The following SPRED2 variants were observed in gnomAD, a reference collection of about 807,000 sequenced individuals.
The protein encoded by SPRED2 is sprouty related EVH1 domain containing 2.
A neutral mutation model predicts 43.0 loss-of-function variants in SPRED2; 47 were observed. The observed-to-expected ratio is 1.09, with a 90% confidence interval of 0.87 to 1.40. The LOEUF is 1.40. SPRED2 is among the 40% of genes most tolerant of loss of function. The pLI, the probability that SPRED2 is intolerant of heterozygous loss-of-function variation, is 0.00. For synonymous variants in SPRED2, 225 were observed against 225.7 expected (o/e 1.00, Z 0.03); for missense variants, 561 against 586.4 (o/e 0.96, Z 0.45).
chr2:65,372,064 C>G (rs1245967754), intron 1 of SPRED2, among the ~76,000 whole-genome samples: 1 of 151,518 alleles, frequency 6.6e-6, no homozygotes, highest in African/African-American at 2.4e-5. Context: ...CAGAGCGAGA[C>G]TGTCTCAAAA....
intron 1 of SPRED2, among the ~76,000 whole-genome samples, chr2:65,374,981 T>A (rs1033089544): frequency 6.6e-6 from 1 of 152,166 alleles, no homozygotes; most frequent in South Asian, 2.1e-4. Flanking sequence ...GAAAAGAAGC[T>A]TGCTGTGTGT....
chr2:65,408,369 A>C (rs992842092), intron 1 of SPRED2, among the ~76,000 whole-genome samples: 1 of 152,204 alleles, frequency 6.6e-6, no homozygotes, highest in African/African-American at 2.4e-5. Context: ...TATAAGGTAG[A>C]GTCAGAATTC....
At chr2:65,401,927 G>GCGCGCGCACGCGCGCGCA (rs1553426565) in intron 1 of SPRED2, among the ~76,000 whole-genome samples, 8 of 29,992 alleles carry the variant, frequency 2.7e-4, no homozygotes, top group African/African-American at 1.1e-3. Flanking sequence ...CAGAATATTA[G>GCGCGCGCACGCGCGCGCA]CGCGCGCGCG....
chr2:65,360,839 T>TA (rs1336254191), intron 1 of SPRED2, among the ~76,000 whole-genome samples: 4 of 152,096 alleles, frequency 2.6e-5, no homozygotes, highest in Non-Finnish European at 5.9e-5. Context: ...TTTACCACAA[T>TA]AAAAAAAGAT....
intron 1 of SPRED2, among the ~76,000 whole-genome samples, chr2:65,369,403 C>A (rs1675067200): frequency 6.6e-6 from 1 of 152,134 alleles, no homozygotes; most frequent in Non-Finnish European, 1.5e-5. Context: ...CCACCCCCAA[C>A]CCCCACTACC....
chr2:65,414,339 C>T (rs943667626), intron 1 of SPRED2, among the ~76,000 whole-genome samples: 10 of 152,188 alleles, frequency 6.6e-5, no homozygotes, highest in Non-Finnish European at 1.2e-4. Context: ...ACATTATCAT[C>T]GCCTATCATC....
chr2:65,385,593 C>T (rs1052776014), intron 1 of SPRED2, among the ~76,000 whole-genome samples: 3 of 152,100 alleles, frequency 2.0e-5, no homozygotes, highest in Non-Finnish European at 4.4e-5. Context: ...TGGTCTGATA[C>T]AGCGGTGGGG....
intron 4 of SPRED2, among the ~76,000 whole-genome samples, chr2:65,317,131 T>C (rs1229386271): frequency 2.6e-5 from 4 of 152,162 alleles, no homozygotes; most frequent in Non-Finnish European, 4.4e-5. Context: ...AGGTAGGTTT[T>C]TCTTAAATGC....
intron 2 of SPRED2, among the ~76,000 whole-genome samples, chr2:65,341,558 C>T (rs1287415967): frequency 1.3e-5 from 2 of 152,150 alleles, no homozygotes; most frequent in East Asian, 3.9e-4. Flanking sequence ...CTGCTGGTGA[C>T]ACTGCCCACC....
Position 65,369,280 on chromosome 2 carries a change from CACATACACACACACAT to C in SPRED2, c.27-24400_27-24385del, listed in dbSNP as rs1361850384. ...ACATACATACACATACACACACACACACATACACACACACATGCACACATTTTGGGAAAACATCATA... is the reference window on the plus strand; with the variant it reads ...ACATACATACACATACACACACACACGCACACATTTTGGGAAAACATCATA... On this transcript the variant is annotated intron_variant, in intron 1 of 5. Coordinates refer to ENST00000356388, the MANE Select transcript of SPRED2 (RefSeq NM_181784.3). Among the ~76,000 whole-genome samples the C allele has an allele frequency of 2.5e-5, 3 of 119,958 alleles. No homozygotes were observed. The East Asian group carries it at 1.4e-3, about 56-fold the overall frequency. 78.7% of individuals were successfully genotyped at this position (119,958 alleles called of 152,430 possible). A position where few individuals can be genotyped will look rare whatever the true frequency, so the allele number is the denominator to read the frequency against.
intron 1 of SPRED2, among the ~76,000 whole-genome samples, chr2:65,411,537 G>C (rs550316641): frequency 6.6e-6 from 1 of 152,294 alleles, no homozygotes; most frequent in South Asian, 2.1e-4. Context: ...GTGAAATTAA[G>C]CTACAACAGG....
intron 1 of SPRED2, among the ~76,000 whole-genome samples, chr2:65,401,705 C>T (rs1248113689): frequency 6.6e-6 from 1 of 151,874 alleles, no homozygotes; most frequent in Non-Finnish European, 1.5e-5. Flanking sequence ...GAGGCTGAGG[C>T]AGGAGAATGG....
chr2:65,385,526 G>A (rs1675474422), intron 1 of SPRED2, among the ~76,000 whole-genome samples: 1 of 152,138 alleles, frequency 6.6e-6, no homozygotes, highest in Admixed American at 6.5e-5. Flanking sequence ...CAGTGGAGGG[G>A]AGGCGTGGCA....
chr2:65,422,104 A>ACACACACACACACACTCTCTCTCT (rs1299857849), intron 1 of SPRED2, among the ~76,000 whole-genome samples: 3 of 128,938 alleles, frequency 2.3e-5, no homozygotes, highest in Middle Eastern at 4.1e-3. Context: ...ACACACACAC[A>ACACACACACACACACTCTCTCTCT]CTCTCTCTCT....
intron 1 of SPRED2, among the ~76,000 whole-genome samples, chr2:65,360,107 A>G (rs1288672673): frequency 2.1e-5 from 3 of 141,860 alleles, no homozygotes; most frequent in African/African-American, 5.7e-5. Context: ...AAACAAAAAA[A>G]AAAAAAACAA....
chr2:65,418,652 T>C (rs10178776), intron 1 of SPRED2, among the ~76,000 whole-genome samples: 102,170 of 151,566 alleles, frequency 0.67, 34,922 homozygotes, highest in African/African-American at 0.76. Flanking sequence ...CTCCTGGGTT[T>C]AAGTCATTCT....
At chr2:65,361,118 AC>A (rs1674803088) in intron 1 of SPRED2, among the ~76,000 whole-genome samples, 1 of 152,220 alleles carries the variant, frequency 6.6e-6, no homozygotes. Context: ...TCCCCTAATT[AC>A]AAAAGTAACA....
At position 65,312,507 on chromosome 2, in the gene SPRED2, C is replaced by T. The variant is rs11548393; in HGVS notation, c.*994G>A. ...TCACCATAACCTTAGTGTTTCTCAACTGGAACTTGTTCGTGGGAACACTGA... is the reference window on the plus strand; with the variant it reads ...TCACCATAACCTTAGTGTTTCTCAATTGGAACTTGTTCGTGGGAACACTGA... On this transcript the variant is annotated 3_prime_UTR_variant, in exon 6 of 6. Coordinates refer to ENST00000356388, the MANE Select transcript of SPRED2 (RefSeq NM_181784.3). The T allele has an allele frequency of 0.39, 389,078 of 985,082 alleles. 79,580 individuals carry two copies. Among genetic ancestry groups the T allele is most frequent in the East Asian group, 0.76 (6,719 of 8,800 alleles). The allele number at this position is 985,082 out of a possible 1,614,324, so 61.0% of individuals were successfully genotyped here.
rs200299417 is a variant in SPRED2 at position 65,314,177 on chromosome 2, G to A, written c.589-8C>T. The A allele has an allele frequency of 8.7e-4, 1,372 of 1,570,134 alleles. 11 individuals carry two copies. Among genetic ancestry groups the A allele is most frequent in the South Asian group, 8.5e-4 (74 of 86,552 alleles). On this transcript the variant is annotated splice_region_variant and splice_polypyrimidine_tract_variant and intron_variant, in intron 5 of 5. Transcript: ENST00000356388. ...GTAGGGCCTTGGCATCGGCTGTCCC[G>A]TAGGAGAGGAGACATTATTTTACAG...
Sources: gnomAD v4.1 joint callset for allele counts (sites outside exome capture counted in the v4.1 genomes callset) on GRCh38, gnomAD v4.1.1 for gene constraint, MANE v1.5 for transcripts, NCBI Gene and HGNC (gene_info 2026-07-23, HGNC 2026-07-21) for gene names.